The following CELF1 variants were observed in gnomAD, a reference collection of about 807,000 sequenced individuals.
CELF1 encodes CUGBP Elav-like family member 1.
In CELF1, 10 loss-of-function variants were observed where a neutral mutation model predicts 61.8. The ratio of observed to expected loss-of-function variants is 0.16; its 90% CI spans 0.10 to 0.27. CELF1 has a LOEUF of 0.27. Among genes scored for constraint, CELF1 ranks in the 10% least tolerant of loss-of-function variants. The probability of loss-of-function intolerance (pLI) is 1.00; values close to 1 mark genes in which losing one functional copy is unlikely to be tolerated. For missense variants in CELF1, 380 were observed against 639.1 expected (o/e 0.59, Z 4.37); for synonymous variants, 236 against 225.1 (o/e 1.05, Z -0.43).
At chr11:47,553,556 T>TG (rs1271477357), upstream of CELF1, among the ~76,000 whole-genome samples, 2 of 152,148 alleles carry the variant, frequency 1.3e-5, no homozygotes, top group Non-Finnish European at 2.9e-5. Context: ...GATGAGTGAG[T>TG]GACTGGTGCT....
At chr11:47,487,043 T>C (rs193136459) in intron 5 of CELF1, 116 bp downstream of exon 5, 5 of 840,152 alleles carry the variant, frequency 6.0e-6, no homozygotes, top group Admixed American at 2.1e-5. Flanking sequence ...TTTACATCAA[T>C]TCCTGCAGCA....
chr11:47,507,831 G>A (rs1211428587), intron 1 of CELF1, among the ~76,000 whole-genome samples: 1 of 152,000 alleles, frequency 6.6e-6, no homozygotes, highest in African/African-American at 2.4e-5. Flanking sequence ...TTTTCATGCA[G>A]ATTTAATTAG....
chr11:47,499,860 A>T, intron 2 of CELF1: 1 of 219,304 alleles, frequency 4.6e-6, no homozygotes, highest in South Asian at 1.1e-4. Context: ...CCATGAAGAT[A>T]GCAGTGGCTA....
rs1181531746 is a variant in CELF1 at position 47,541,739 on chromosome 11, AACG to A, written c.-154+11250_-154+11252del. On this transcript the variant is annotated intron_variant, in intron 1 of 14. Transcript: ENST00000687097. ...GAAAGAAAGAAAGAACGAAAGAAAG[AACG>A]AAAGAAAGAAAGAACGAAAGAAAGA... Among the ~76,000 whole-genome samples the A allele has an allele frequency of 1.6e-3, 14 of 8,712 alleles. 1 individual carries two copies. Among genetic ancestry groups the A allele is most frequent in the African/African-American group, 4.3e-3 (14 of 3,240 alleles). The allele number at this position is 8,712 out of a possible 152,430, so 5.7% of individuals were successfully genotyped here.
chr11:47,477,274 C>T (rs771069540), intron 11 of CELF1, 23 bp downstream of exon 11: 7 of 1,613,640 alleles, frequency 4.3e-6, no homozygotes, highest in South Asian at 2.2e-5. Flanking sequence ...CATAATGGCA[C>T]ACTGGGTCAT....
intron 1 of CELF1, among the ~76,000 whole-genome samples, chr11:47,508,850 A>T (rs1285362055): frequency 6.6e-6 from 1 of 152,142 alleles, no homozygotes; most frequent in East Asian, 1.9e-4. Flanking sequence ...GGCTTACTGC[A>T]ACCTCCGCCT....
At chr11:47,520,433 G>A (rs1386225909) in intron 1 of CELF1, among the ~76,000 whole-genome samples, 1 of 152,084 alleles carries the variant, frequency 6.6e-6, no homozygotes, top group East Asian at 1.9e-4. Flanking sequence ...TAAGTTTATG[G>A]ATATGGCAAA....
At chr11:47,561,420 G>GCGACAGAA (rs2097224890) in intron 2 of CELF1, among the ~76,000 whole-genome samples, 1 of 130,710 alleles carries the variant, frequency 7.7e-6, no homozygotes, top group African/African-American at 2.9e-5. Context: ...TCCAGCCTGG[G>GCGACAGAA]CGACAGAACG....
chr11:47,506,111 T>C (rs2094471940), intron 1 of CELF1, among the ~76,000 whole-genome samples: 1 of 149,842 alleles, frequency 6.7e-6, no homozygotes, highest in Non-Finnish European at 1.5e-5. Context: ...AATATACTAA[T>C]GATAGCCGAT....
At chr11:47,560,370 C>T (rs1226178810) in intron 2 of CELF1, among the ~76,000 whole-genome samples, 4 of 152,066 alleles carry the variant, frequency 2.6e-5, no homozygotes, top group South Asian at 4.2e-4. Flanking sequence ...GTGGAGGATG[C>T]GCCACTGCAC....
At position 47,488,899 on chromosome 11, in the gene CELF1, T is replaced by A. The variant is rs1385832946; in HGVS notation, c.197A>T (p.Tyr66Phe). The change falls in exon 4 of 15, where the codon TAT becomes TTT. Residue 66 changes from tyrosine (Y) to phenylalanine (F), a missense_variant. By Grantham distance (22) the Tyr-to-Phe change is conservative. Coordinates refer to ENST00000687097, the MANE Select transcript of CELF1 (RefSeq NM_001376376.1). ...EKDLRELFEQ[Y>F]GAVYEINVLR... ...GACGTTGATTTCATACACAGCACCA[T>A]ACTGTTCGAAGAGTTCCCGCAAGTC... 4.3e-6 allele frequency: 7 copies of A among 1,612,864 alleles called. No individual in the cohort carries two copies. The highest frequency in any genetic ancestry group is 1.6e-4 in the Middle Eastern group (1 of 6,074).
intron 1 of CELF1, among the ~76,000 whole-genome samples, chr11:47,522,488 C>T (rs532356118): frequency 4.2e-4 from 64 of 151,606 alleles, no homozygotes; most frequent in African/African-American, 1.5e-3. Context: ...CCATTGCACT[C>T]CAGCCTTGGT....
At chr11:47,533,635 A>ATAC (rs1598183916) in intron 1 of CELF1, among the ~76,000 whole-genome samples, 225 of 148,858 alleles carry the variant, frequency 1.5e-3, no homozygotes, top group African/African-American at 5.2e-3. Flanking sequence ...AAAATAAATA[A>ATAC]ATACATACAT....
chr11:47,498,886 A>T (rs2093543313), intron 3 of CELF1, among the ~76,000 whole-genome samples: 1 of 150,934 alleles, frequency 6.6e-6, no homozygotes, highest in Non-Finnish European at 1.5e-5. Flanking sequence ...GGACAATTTG[A>T]TGTTCCTAAA....
intron 8 of CELF1, 80 bp downstream of exon 8, chr11:47,483,373 C>T: frequency 1.9e-6 from 2 of 1,065,222 alleles, no homozygotes; most frequent in Admixed American, 1.7e-5. Context: ...AGATGCTGCA[C>T]ATGCTGCTGG....
chr11:47,522,534 A>T (rs1191828148), intron 1 of CELF1, among the ~76,000 whole-genome samples: 1 of 149,946 alleles, frequency 6.7e-6, no homozygotes, highest in Non-Finnish European at 1.5e-5. Context: ...AACAACAACA[A>T]CAACAACAAA....
intron 1 of CELF1, among the ~76,000 whole-genome samples, chr11:47,541,833 A>G (rs549748263): frequency 1.1e-4 from 17 of 150,766 alleles, no homozygotes; most frequent in Middle Eastern, 3.4e-3. Context: ...AAAGAAAGAA[A>G]GAAAATGGAA....
At chr11:47,477,143 T>C in intron 11 of CELF1, 154 bp downstream of exon 11, 1 of 939,380 alleles carries the variant, frequency 1.1e-6, no homozygotes, top group Non-Finnish European at 1.6e-6. Flanking sequence ...AAGATTTCTC[T>C]TAAGTACAAA....
At chr11:47,489,932 C>CTTTTTTTTTTTTTTTTTTTTTTTT (rs530410346) in intron 3 of CELF1, among the ~76,000 whole-genome samples, 7 of 23,472 alleles carry the variant, frequency 3.0e-4, no homozygotes, top group Admixed American at 1.1e-3. Flanking sequence ...AACATACCAT[C>CTTTTTTTTTTTTTTTTTTTTTTTT]TTGTTTTTTT....
Sources: allele counts gnomAD v4.1 joint callset (sites outside exome capture counted in the v4.1 genomes callset), GRCh38; gene constraint gnomAD v4.1.1; transcripts MANE v1.5; gene names NCBI Gene and HGNC (gene_info 2026-07-23, HGNC 2026-07-21).